GRIN2B: variants seen among roughly 807,000 people sequenced by gnomAD.
The protein encoded by GRIN2B is glutamate receptor ionotropic, NMDA 2B.
A neutral mutation model predicts 114.5 loss-of-function variants in GRIN2B; 5 were observed. The ratio of observed to expected loss-of-function variants is 0.04; its 90% CI spans 0.02 to 0.09. The LOEUF (loss-of-function observed/expected upper bound fraction) is 0.09, where lower values mean the gene tolerates loss of function less well. GRIN2B is among the 10% of genes least tolerant of loss of function. The probability of loss-of-function intolerance (pLI) is 1.00; values close to 1 mark genes in which losing one functional copy is unlikely to be tolerated. For missense variants in GRIN2B, 1,108 were observed against 1,943.5 expected, an observed-to-expected ratio of 0.57 and a Z score of 8.08; for synonymous variants, 787 against 745.1, an observed-to-expected ratio of 1.06 and a Z score of -0.92.
chr12:13,879,419 G>A (rs1394625684), intron 2 of GRIN2B, among the ~76,000 whole-genome samples: 3 of 151,432 alleles, frequency 2.0e-5, no homozygotes, highest in Admixed American at 6.6e-5. Context: ...GCACATGACC[G>A]TATAACAACA....
Position 13,772,980 on chromosome 12 carries a change from C to T in GRIN2B, c.412-19065G>A, listed in dbSNP as rs530434779. Among the ~76,000 whole-genome samples the T allele has an allele frequency of 9.2e-4, 140 of 152,268 alleles. 1 individual carries two copies. The highest frequency in any genetic ancestry group is 1.6e-3 in the Non-Finnish European group (110 of 68,014). Reference sequence around the variant, plus strand: ...CTCTAAGGTCCATCCTCTGGAAGGGCCCAGAGATACCATGGACTATAGATG... The same window carrying T: ...CTCTAAGGTCCATCCTCTGGAAGGGTCCAGAGATACCATGGACTATAGATG... On this transcript the variant is annotated intron_variant, in intron 3 of 13. Coordinates refer to ENST00000609686, the MANE Select transcript of GRIN2B (RefSeq NM_000834.5).
chr12:13,920,784 A>G (rs1359688862), intron 2 of GRIN2B, among the ~76,000 whole-genome samples: 1 of 152,132 alleles, frequency 6.6e-6, no homozygotes, highest in East Asian at 1.9e-4. Context: ...CTTCGCTTAC[A>G]TTTTTCCCAA....
At chr12:13,719,297 C>G (rs752379596) in intron 4 of GRIN2B, among the ~76,000 whole-genome samples, 2 of 151,984 alleles carry the variant, frequency 1.3e-5, no homozygotes, top group Non-Finnish European at 2.9e-5. Flanking sequence ...TTGGCTTTTT[C>G]CCAGTTGAAT....
At chr12:13,742,028 G>A (rs1322618529) in intron 4 of GRIN2B, among the ~76,000 whole-genome samples, 1 of 152,154 alleles carries the variant, frequency 6.6e-6, no homozygotes, top group African/African-American at 2.4e-5. Context: ...ATTATAGGAA[G>A]CATTTTAATG....
chr12:13,845,306 C>T (rs1041025582), intron 3 of GRIN2B, among the ~76,000 whole-genome samples: 3 of 152,112 alleles, frequency 2.0e-5, no homozygotes, highest in Non-Finnish European at 2.9e-5. Flanking sequence ...TTAATATTAA[C>T]TTTTATCAAT....
rs1168620642 is a variant in GRIN2B, at chr12:13,546,474, T to G, written c.*16309A>C. On this transcript the variant is annotated 3_prime_UTR_variant, in exon 14 of 14. Transcript: ENST00000609686. ...GAGGGAATACACCAGAGCATCTGGA[T>G]GTGGGTGTCATCGTCTCTTCACCAC... 6.6e-6 allele frequency: 1 copy of G among 152,226 alleles called. No homozygotes were observed. The highest frequency in any genetic ancestry group is 1.5e-5 in the Non-Finnish European group (1 of 68,042). 9.4% of individuals were successfully genotyped at this position (152,226 alleles called of 1,614,324 possible). A position where few individuals can be genotyped will look rare whatever the true frequency, so the allele number is the denominator to read the frequency against.
intron 13 of GRIN2B, among the ~76,000 whole-genome samples, 192 bp downstream of exon 13, chr12:13,566,833 A>G (rs371828607): frequency 6.6e-6 from 1 of 152,338 alleles, no homozygotes; most frequent in African/African-American, 2.4e-5. Context: ...CTTGAAGGAA[A>G]TATAGTATCA....
intron 3 of GRIN2B, among the ~76,000 whole-genome samples, chr12:13,786,325 T>G (rs1390655418): frequency 6.6e-6 from 1 of 152,196 alleles, no homozygotes; most frequent in Non-Finnish European, 1.5e-5. Context: ...AGTAACCCTG[T>G]TAATATACAA....
chr12:13,641,857 T>C (rs1473989583), intron 5 of GRIN2B, among the ~76,000 whole-genome samples: 2 of 152,128 alleles, frequency 1.3e-5, no homozygotes, highest in African/African-American at 2.4e-5. Context: ...TGTATTTCTA[T>C]ACAAGTGAAA....
At chr12:13,849,819 T>G (rs1591766185) in intron 3 of GRIN2B, among the ~76,000 whole-genome samples, 1 of 152,158 alleles carries the variant, frequency 6.6e-6, no homozygotes, top group Non-Finnish European at 1.5e-5. Flanking sequence ...GTCCCAGTCA[T>G]GAGGGGTGGA....
At chr12:13,930,852 CTATA>C (rs1867016044) in intron 2 of GRIN2B, among the ~76,000 whole-genome samples, 1 of 152,124 alleles carries the variant, frequency 6.6e-6, no homozygotes, top group African/African-American at 2.4e-5. Context: ...AAAAACCCAT[CTATA>C]TAATAACAGG....
intron 5 of GRIN2B, among the ~76,000 whole-genome samples, chr12:13,655,226 A>G (rs2136520903): frequency 6.6e-6 from 1 of 152,228 alleles, no homozygotes; most frequent in South Asian, 2.1e-4. Flanking sequence ...AAATTCTTAT[A>G]CTTCTTTCCA....
chr12:13,952,603 T>C (rs1394582474), intron 2 of GRIN2B, among the ~76,000 whole-genome samples: 1 of 152,146 alleles, frequency 6.6e-6, no homozygotes, highest in African/African-American at 2.4e-5. Flanking sequence ...CCCGTCTTTC[T>C]TTTTCATAGA....
chr12:13,590,142 G>A (rs1308906040), intron 10 of GRIN2B, among the ~76,000 whole-genome samples: 1 of 152,046 alleles, frequency 6.6e-6, no homozygotes, highest in Admixed American at 6.6e-5. Context: ...CTTTTTCTGA[G>A]TGTCTGAAGG....
intron 10 of GRIN2B, among the ~76,000 whole-genome samples, chr12:13,581,345 C>T (rs529705534): frequency 2.0e-5 from 3 of 152,278 alleles, no homozygotes; most frequent in Non-Finnish European, 4.4e-5. Flanking sequence ...CTAAATCTTC[C>T]ATAATAATAC....
chr12:13,893,351 T>C (rs758155886), intron 2 of GRIN2B, among the ~76,000 whole-genome samples: 1 of 151,772 alleles, frequency 6.6e-6, no homozygotes, highest in Non-Finnish European at 1.5e-5. Flanking sequence ...GGGGAGGGGG[T>C]AGCAGAAAAC....
chr12:13,580,495 A>C (rs777459663), intron 10 of GRIN2B, among the ~76,000 whole-genome samples: 3 of 152,202 alleles, frequency 2.0e-5, no homozygotes, highest in Non-Finnish European at 2.9e-5. Flanking sequence ...TTACATTTGC[A>C]TCACAAAAAG....
chr12:13,930,866 G>C (rs1158700155), intron 2 of GRIN2B, among the ~76,000 whole-genome samples: 1 of 152,076 alleles, frequency 6.6e-6, no homozygotes, highest in Admixed American at 6.5e-5. Context: ...ATAATAACAG[G>C]GTGGAGAATT....
intron 3 of GRIN2B, among the ~76,000 whole-genome samples, chr12:13,850,475 C>T (rs2136726827): frequency 6.6e-6 from 1 of 152,272 alleles, no homozygotes; most frequent in East Asian, 1.9e-4. Context: ...ATTGGAATTC[C>T]CATGCAGCTG....
Sources: gnomAD v4.1 joint callset for allele counts (sites outside exome capture counted in the v4.1 genomes callset) on GRCh38, gnomAD v4.1.1 for gene constraint, MANE v1.5 for transcripts, NCBI Gene and HGNC (gene_info 2026-07-23, HGNC 2026-07-21) for gene names.